Variants in ZBTB20 observed in about 807,000 individuals in gnomAD.
ZBTB20 encodes the protein zinc finger and BTB domain-containing protein 20.
ZBTB20 carries 9 observed loss-of-function variants against 56.9 expected under a neutral mutation model. That is an observed-to-expected ratio of 0.16 (90% CI 0.10 to 0.28). ZBTB20 has a LOEUF of 0.28. Among genes scored for constraint, ZBTB20 ranks in the 10% least tolerant of loss-of-function variants. The pLI, the probability that ZBTB20 is intolerant of heterozygous loss-of-function variation, is 1.00. For synonymous variants in ZBTB20, 417 were observed against 420.7 expected (o/e 0.99, Z 0.11); for missense variants, 655 against 1,003.0 (o/e 0.65, Z 4.69).
intron 2 of ZBTB20, among the ~76,000 whole-genome samples, chr3:114,999,238 A>G (rs973112684): frequency 1.4e-5 from 2 of 144,040 alleles, no homozygotes; most frequent in African/African-American, 2.6e-5. Flanking sequence ...AGGGGGAGGG[A>G]AATGAAAGCA....
chr3:114,574,655 C>T (rs535652678), intron 6 of ZBTB20, among the ~76,000 whole-genome samples: 12 of 152,274 alleles, frequency 7.9e-5, no homozygotes, highest in Admixed American at 2.0e-4. Context: ...GCTCTCCTTA[C>T]CTTGCTCTGA....
intron 11 of ZBTB20, among the ~76,000 whole-genome samples, chr3:114,341,722 A>G (rs1357017599): frequency 1.3e-5 from 2 of 152,044 alleles, no homozygotes; most frequent in African/African-American, 4.8e-5. Context: ...TATCCATGTG[A>G]CCCTGGGCTT....
At chr3:114,388,044 A>C (rs1012760557) in intron 8 of ZBTB20, 9 of 152,360 alleles carry the variant, frequency 5.9e-5, no homozygotes, top group African/African-American at 1.9e-4. Flanking sequence ...AGACATAGAA[A>C]TATGAATGTA....
chr3:114,440,356 A>G (rs1194301399), intron 7 of ZBTB20, among the ~76,000 whole-genome samples: 1 of 152,128 alleles, frequency 6.6e-6, no homozygotes, highest in Non-Finnish European at 1.5e-5. Context: ...GGGGAAAAAA[A>G]AATCCTCCCA....
At chr3:114,799,517 C>A (rs1172582114) in intron 5 of ZBTB20, among the ~76,000 whole-genome samples, 2 of 151,856 alleles carry the variant, frequency 1.3e-5, no homozygotes. Flanking sequence ...AATAAATATT[C>A]TCTGACAGAA....
intron 4 of ZBTB20, among the ~76,000 whole-genome samples, chr3:114,878,196 G>A (rs982287474): frequency 1.1e-4 from 16 of 151,350 alleles, no homozygotes; most frequent in Admixed American, 5.9e-4. Context: ...TTTTTGTTTC[G>A]TGTCTCATTC....
In ZBTB20 at chr3:114,995,964, G is replaced by A. The variant is rs188563155; in HGVS notation, c.-506-21548C>T. The stretch of plus-strand genomic sequence containing the variant: ...AAAATAAAATTAATATTATTCATTA[G>A]AAGCAGGAAACTATAGAGGGAATGT... On this transcript the variant is annotated intron_variant, in intron 2 of 11. Transcript: ENST00000675478. Among the ~76,000 whole-genome samples the A allele has an allele frequency of 1.1e-3, 161 of 151,806 alleles. 5 individuals carry two copies. In the East Asian group the frequency reaches 0.027, roughly 26 times the overall value.
At chr3:114,611,896 CT>C (rs1229617058) in intron 6 of ZBTB20, among the ~76,000 whole-genome samples, 1 of 152,086 alleles carries the variant, frequency 6.6e-6, no homozygotes, top group Non-Finnish European at 1.5e-5. Context: ...TCAGCAAATC[CT>C]TATTGCATTC....
chr3:114,719,142 T>G (rs1016111193), intron 5 of ZBTB20, among the ~76,000 whole-genome samples: 2 of 136,990 alleles, frequency 1.5e-5, no homozygotes, highest in Non-Finnish European at 3.0e-5. Context: ...GCCAGGAAAG[T>G]GAGCATTTTG....
chr3:114,810,998 T>G (rs2108877410), intron 4 of ZBTB20, among the ~76,000 whole-genome samples: 1 of 152,276 alleles, frequency 6.6e-6, no homozygotes, highest in East Asian at 1.9e-4. Flanking sequence ...ATAAATAGTT[T>G]TGCCTCACTC....
At chr3:115,057,596 G>C (rs1560533456) in intron 2 of ZBTB20, among the ~76,000 whole-genome samples, 1 of 152,076 alleles carries the variant, frequency 6.6e-6, no homozygotes, top group Non-Finnish European at 1.5e-5. Context: ...AAAGAAAAAA[G>C]TGTGTTATAT....
chr3:115,061,023 T>C (rs1329177436), intron 2 of ZBTB20, among the ~76,000 whole-genome samples: 1 of 152,124 alleles, frequency 6.6e-6, no homozygotes, highest in Non-Finnish European at 1.5e-5. Context: ...ATTCTCCAAA[T>C]ATGATCATTT....
chr3:114,923,216 CA>C (rs1235170571), intron 3 of ZBTB20, among the ~76,000 whole-genome samples: 2 of 152,100 alleles, frequency 1.3e-5, no homozygotes, highest in African/African-American at 2.4e-5. Context: ...CAGAAATAGA[CA>C]AAACAATCCT....
intron 6 of ZBTB20, among the ~76,000 whole-genome samples, chr3:114,677,005 C>G (rs1292743999): frequency 6.6e-6 from 1 of 152,014 alleles, no homozygotes; most frequent in Non-Finnish European, 1.5e-5. Context: ...GATCTCCTGA[C>G]CTCGTGATGC....
At chr3:114,463,753 C>T (rs879471950) in intron 7 of ZBTB20, among the ~76,000 whole-genome samples, 2 of 152,150 alleles carry the variant, frequency 1.3e-5, no homozygotes, top group African/African-American at 4.8e-5. Flanking sequence ...TGTAGTCTAC[C>T]TCAAAACAAA....
At chr3:114,591,374 T>C (rs1279667398) in intron 6 of ZBTB20, among the ~76,000 whole-genome samples, 6 of 152,216 alleles carry the variant, frequency 3.9e-5, no homozygotes, top group Non-Finnish European at 2.9e-5. Flanking sequence ...AATCTACTTC[T>C]AGATGCTATT....
intron 7 of ZBTB20, among the ~76,000 whole-genome samples, chr3:114,459,896 C>T (rs1272469836): frequency 2.6e-5 from 4 of 151,836 alleles, no homozygotes; most frequent in Non-Finnish European, 4.4e-5. Flanking sequence ...CAAGATTTAT[C>T]CTGAATATTA....
At chr3:114,875,181 T>A (rs1440767010) in intron 4 of ZBTB20, among the ~76,000 whole-genome samples, 3 of 152,158 alleles carry the variant, frequency 2.0e-5, no homozygotes, top group African/African-American at 7.2e-5. Flanking sequence ...CTTTGCATAA[T>A]TAACCTGATT....
intron 5 of ZBTB20, among the ~76,000 whole-genome samples, chr3:114,713,143 T>C (rs1445694336): frequency 6.6e-6 from 1 of 152,116 alleles, no homozygotes; most frequent in South Asian, 2.1e-4. Context: ...CCCTCGATGT[T>C]GGACTTCTTA....
Sources: allele counts gnomAD v4.1 joint callset (sites outside exome capture counted in the v4.1 genomes callset), GRCh38; gene constraint gnomAD v4.1.1; transcripts MANE v1.5; gene names NCBI Gene and HGNC (gene_info 2026-07-23, HGNC 2026-07-21).